Variants in PRKG1 observed in about 807,000 individuals in gnomAD.
PRKG1 encodes protein kinase cGMP-dependent 1, also known as cGMP-dependent protein kinase 1.
PRKG1 carries 35 observed loss-of-function variants against 88.1 expected under a neutral mutation model. The ratio of observed to expected loss-of-function variants is 0.40; its 90% CI spans 0.30 to 0.53. PRKG1 has a LOEUF of 0.53. Ranked by LOEUF, PRKG1 falls within the 20% of genes least tolerant of loss-of-function variation. The pLI is 0.59. For missense variants in PRKG1, 540 were observed against 839.8 expected (o/e 0.64, Z 4.41); for synonymous variants, 303 against 292.5 (o/e 1.04, Z -0.37).
rs569357820 is a variant in PRKG1, at chr10:51,614,951, C to A, written c.592+147115C>A. Among the ~76,000 whole-genome samples, 173 of 148,944 alleles carry A rather than the reference C, an allele frequency of 1.2e-3. 1 individual carries two copies. Among genetic ancestry groups the A allele is most frequent in the Middle Eastern group, 6.8e-3 (2 of 292 alleles). On this transcript the variant is annotated intron_variant, in intron 3 of 17. Coordinates refer to ENST00000373980, the MANE Select transcript of PRKG1 (RefSeq NM_006258.4). ...TATATCCATCTTTGAATATATTCAA[C>A]TTTGAATATATCCATCTTTGAATAT...
intron 2 of PRKG1, among the ~76,000 whole-genome samples, chr10:51,456,456 A>G (rs966107749): frequency 1.3e-5 from 2 of 152,116 alleles, no homozygotes; most frequent in African/African-American, 4.8e-5. Context: ...TATATCAAAG[A>G]CTTACATCTA....
chr10:51,156,483 T>C lies in PRKG1; in HGVS notation c.478+3153T>C, dbSNP rs75295974. On this transcript the variant is annotated intron_variant, in intron 2 of 17. Coordinates refer to ENST00000373980, the MANE Select transcript of PRKG1 (RefSeq NM_006258.4). Reference sequence around the variant, plus strand: ...TGACTAAACAGCACGTTATCTTAATTATCCTTTTAAAAACAGGGTTCTAAA... The same window carrying C: ...TGACTAAACAGCACGTTATCTTAATCATCCTTTTAAAAACAGGGTTCTAAA... Among the ~76,000 whole-genome samples, 25 of 152,148 alleles carry C rather than the reference T, an allele frequency of 1.6e-4. No homozygotes were observed. The East Asian group carries it at 4.4e-3, about 27-fold the overall frequency.
chr10:51,565,583 T>C (rs539201107), intron 3 of PRKG1, among the ~76,000 whole-genome samples: 40 of 152,244 alleles, frequency 2.6e-4, no homozygotes, highest in African/African-American at 8.9e-4. Context: ...GAGTGCAAAT[T>C]AGCTGCAATT....
At chr10:51,473,338 A>C (rs552670807) in intron 3 of PRKG1, among the ~76,000 whole-genome samples, 16 of 152,038 alleles carry the variant, frequency 1.1e-4, no homozygotes, top group African/African-American at 3.6e-4. Flanking sequence ...ACGAAAAATG[A>C]ATTTCGGAGA....
At chr10:51,959,836 GA>G (rs1554860875) in intron 5 of PRKG1, among the ~76,000 whole-genome samples, 1 of 152,012 alleles carries the variant, frequency 6.6e-6, no homozygotes, top group Non-Finnish European at 1.5e-5. Flanking sequence ...GAAGATAATT[GA>G]ATCTTGTGTT....
intron 2 of PRKG1, among the ~76,000 whole-genome samples, chr10:51,339,159 A>T (rs1265868852): frequency 6.6e-6 from 1 of 152,176 alleles, no homozygotes; most frequent in Non-Finnish European, 1.5e-5. Context: ...CATAAGAAAT[A>T]TAATTTCTTT....
intron 10 of PRKG1, among the ~76,000 whole-genome samples, chr10:52,267,435 A>G (rs1324680954): frequency 6.6e-6 from 1 of 152,084 alleles, no homozygotes; most frequent in Non-Finnish European, 1.5e-5. Context: ...AATTTAAAAG[A>G]GACTTGCAAG....
At chr10:51,277,383 A>G (rs1840152455) in intron 2 of PRKG1, among the ~76,000 whole-genome samples, 1 of 152,180 alleles carries the variant, frequency 6.6e-6, no homozygotes, top group Admixed American at 6.5e-5. Flanking sequence ...TATAGTTTGA[A>G]GTCAGGTAGC....
Position 51,846,434 on chromosome 10 carries a change from C to T in PRKG1, c.698+41744C>T, listed in dbSNP as rs141083050. On this transcript the variant is annotated intron_variant, in intron 4 of 17. Transcript: ENST00000373980. ...CAACTGCTATATTGATCATGACCTT[C>T]GCCATCATCAAAGAAATAAAAGAAA... Among the ~76,000 whole-genome samples, 459 of 152,190 alleles carry T rather than the reference C, an allele frequency of 3.0e-3. 6 individuals are homozygous for T. The East Asian group carries it at 0.039, about 13-fold the overall frequency.
chr10:51,792,109 G>C (rs1838883487), intron 3 of PRKG1, among the ~76,000 whole-genome samples: 1 of 152,018 alleles, frequency 6.6e-6, no homozygotes, highest in African/African-American at 2.4e-5. Context: ...AGGACTGCTT[G>C]GAATAGCTTA....
intron 1 of PRKG1, among the ~76,000 whole-genome samples, chr10:51,095,185 T>C (rs908709821): frequency 1.3e-5 from 2 of 152,146 alleles, no homozygotes; most frequent in African/African-American, 4.8e-5. Flanking sequence ...AGAATCCAGG[T>C]CTCTTAATAT....
chr10:51,164,687 A>C (rs1175040967), intron 2 of PRKG1, among the ~76,000 whole-genome samples: 2 of 152,134 alleles, frequency 1.3e-5, no homozygotes, highest in Admixed American at 6.5e-5. Context: ...AATAACCAAT[A>C]CAGAGAAGTG....
chr10:51,989,221 A>T (rs1844240145), intron 5 of PRKG1, among the ~76,000 whole-genome samples: 1 of 152,112 alleles, frequency 6.6e-6, no homozygotes, highest in African/African-American at 2.4e-5. Context: ...TGGAAGAGGA[A>T]AAGTAAGTAG....
At chr10:51,798,547 T>C (rs1937655) in intron 3 of PRKG1, among the ~76,000 whole-genome samples, 82,716 of 151,812 alleles carry the variant, frequency 0.54, 23,362 homozygotes, top group African/African-American at 0.64. Flanking sequence ...ATCTTGGCCT[T>C]CTAATATTCC....
intron 2 of PRKG1, among the ~76,000 whole-genome samples, chr10:51,252,173 CA>C (rs1839443769): frequency 6.6e-6 from 1 of 151,492 alleles, no homozygotes; most frequent in Admixed American, 6.6e-5. Flanking sequence ...AAAACAAAAA[CA>C]AAAACAAAAA....
chr10:51,918,154 G>A (rs1445174626), intron 5 of PRKG1, among the ~76,000 whole-genome samples: 3 of 152,106 alleles, frequency 2.0e-5, no homozygotes, highest in Non-Finnish European at 4.4e-5. Context: ...AGATAACACA[G>A]CGAATTAAAT....
intron 7 of PRKG1, among the ~76,000 whole-genome samples, chr10:52,067,241 T>A (rs963902453): frequency 1.3e-5 from 2 of 152,226 alleles, no homozygotes; most frequent in African/African-American, 4.8e-5. Context: ...CAGCATTCTC[T>A]GTATGTACAG....
At chr10:52,005,085 G>T (rs957720007) in intron 5 of PRKG1, among the ~76,000 whole-genome samples, 1 of 151,878 alleles carries the variant, frequency 6.6e-6, no homozygotes, top group African/African-American at 2.4e-5. Context: ...CTTTTGATAG[G>T]CAAGCTCTCT....
intron 1 of PRKG1, among the ~76,000 whole-genome samples, chr10:51,112,809 C>T (rs1048990483): frequency 1.3e-5 from 2 of 152,084 alleles, no homozygotes; most frequent in African/African-American, 4.8e-5. Flanking sequence ...AGTTTAGTGT[C>T]GACCATGTTA....
Sources: allele counts gnomAD v4.1 joint callset (sites outside exome capture counted in the v4.1 genomes callset), GRCh38; gene constraint gnomAD v4.1.1; transcripts MANE v1.5; gene names NCBI Gene and HGNC (gene_info 2026-07-23, HGNC 2026-07-21).